DLC1: variants seen among roughly 807,000 people sequenced by gnomAD.
The protein encoded by DLC1 is rho GTPase-activating protein 7.
DLC1 carries 54 observed loss-of-function variants against 140.3 expected under a neutral mutation model. The observed-to-expected ratio is 0.38, with a 90% CI of 0.31 to 0.48. DLC1 has a LOEUF of 0.48. Ranked by LOEUF, DLC1 falls within the 20% of genes least tolerant of loss-of-function variation. DLC1 has a pLI of 0.96. For missense variants in DLC1, 2,536 were observed against 1,907.0 expected (o/e 1.33, Z -6.14); for synonymous variants, 986 against 728.1 (o/e 1.35, Z -5.70).
chr8:13,444,042 T>C (rs1798667007), intron 2 of DLC1, among the ~76,000 whole-genome samples: 1 of 152,182 alleles, frequency 6.6e-6, no homozygotes. Context: ...AAAATATTCT[T>C]CTCAAAAAGT....
rs1169620786 is a variant in DLC1 at position 13,451,037 on chromosome 8, CAAAAAAAAAAAAAAAAA to C, written c.1023+47995_1023+48011del. On this transcript the variant is annotated intron_variant, in intron 2 of 17. Coordinates refer to ENST00000276297, the MANE Select transcript of DLC1 (RefSeq NM_182643.3). ...CTGGTGATAGAGTGAGACTCCGTCT[CAAAAAAAAAAAAAAAAA>C]AAAAAAAAAAAAAAGAAAAAAAGAA... 2.2e-4 allele frequency among the ~76,000 whole-genome samples: 4 copies of C among 18,380 alleles called. No homozygotes were observed. The Admixed American group carries it at 3.0e-3, about 14-fold the overall frequency. 12.1% of individuals were successfully genotyped at this position (18,380 alleles called of 152,430 possible).
chr8:13,381,681 G>A (rs930274824), intron 4 of DLC1, among the ~76,000 whole-genome samples: 6 of 152,134 alleles, frequency 3.9e-5, no homozygotes, highest in Non-Finnish European at 8.8e-5. Context: ...TTGGAAATGA[G>A]CCAGTCAACC....
intron 4 of DLC1, among the ~76,000 whole-genome samples, chr8:13,311,355 T>A (rs1832658087): frequency 6.6e-6 from 1 of 152,154 alleles, no homozygotes; most frequent in Non-Finnish European, 1.5e-5. Context: ...TCCCTCCTAG[T>A]GTTCACGATT....
chr8:13,489,873 T>C (rs114614431), intron 2 of DLC1, among the ~76,000 whole-genome samples: 81 of 152,322 alleles, frequency 5.3e-4, no homozygotes, highest in African/African-American at 1.9e-3. Flanking sequence ...ACTCCAATTA[T>C]TTGGCTGTCA....
intron 2 of DLC1, among the ~76,000 whole-genome samples, chr8:13,439,623 C>T (rs534689346): frequency 1.3e-5 from 2 of 152,162 alleles, no homozygotes; most frequent in South Asian, 4.2e-4. Context: ...GTCAACAATC[C>T]TTTCATCGAT....
At chr8:13,442,463 A>T (rs1798563212) in intron 2 of DLC1, among the ~76,000 whole-genome samples, 1 of 151,968 alleles carries the variant, frequency 6.6e-6, no homozygotes, top group Admixed American at 6.6e-5. Flanking sequence ...CATCTGAAAA[A>T]GGGCTAATAT....
At position 13,401,766 on chromosome 8, in the gene DLC1, G is replaced by A. The variant is rs1585045721; in HGVS notation, c.1024-147C>T. ...AGAAGTTCCATTCTGTATCATCAATGGGCTCTTCATTGGGAAGACACTGAC... is the reference window on the plus strand; with the variant it reads ...AGAAGTTCCATTCTGTATCATCAATAGGCTCTTCATTGGGAAGACACTGAC... On this transcript the variant is annotated intron_variant, in intron 2 of 17. Transcript: ENST00000276297. 14 of 1,007,730 alleles carry A rather than the reference G, an allele frequency of 1.4e-5. No homozygotes were observed. In the East Asian group the frequency reaches 3.6e-4, roughly 26 times the overall value. 62.4% of individuals were successfully genotyped at this position (1,007,730 alleles called of 1,614,324 possible). A position where few individuals can be genotyped will look rare whatever the true frequency, so the allele number is the denominator to read the frequency against.
chr8:13,524,892 G>C (rs973458723), intron 1 of DLC1, among the ~76,000 whole-genome samples: 7 of 152,060 alleles, frequency 4.6e-5, no homozygotes, highest in Admixed American at 1.3e-4. Context: ...GATTGCTTTT[G>C]ACAAATTCAT....
At chr8:13,440,100 C>T (rs988624531) in intron 2 of DLC1, among the ~76,000 whole-genome samples, 8 of 152,152 alleles carry the variant, frequency 5.3e-5, no homozygotes, top group Non-Finnish European at 1.2e-4. Context: ...TTCTTTACTG[C>T]AGGATTTTCA....
intron 2 of DLC1, among the ~76,000 whole-genome samples, chr8:13,473,366 G>C (rs748674519): frequency 6.6e-6 from 1 of 152,160 alleles, no homozygotes; most frequent in Non-Finnish European, 1.5e-5. Flanking sequence ...CACGAGATCT[G>C]ATGGTTTTAA....
intron 2 of DLC1, among the ~76,000 whole-genome samples, chr8:13,437,030 A>T (rs1839151021): frequency 1.3e-5 from 2 of 152,238 alleles, no homozygotes; most frequent in African/African-American, 2.4e-5. Context: ...ACATTAAAAT[A>T]GTTCTCAGTC....
intron 4 of DLC1, among the ~76,000 whole-genome samples, chr8:13,393,067 C>A (rs937313804): frequency 1.3e-5 from 2 of 152,044 alleles, no homozygotes; most frequent in Non-Finnish European, 2.9e-5. Flanking sequence ...TAATTATTAT[C>A]TGTCTATCCA....
At chr8:13,402,697 G>A (rs1837352042) in intron 2 of DLC1, among the ~76,000 whole-genome samples, 1 of 152,194 alleles carries the variant, frequency 6.6e-6, no homozygotes, top group Non-Finnish European at 1.5e-5. Flanking sequence ...TACAGTGATT[G>A]CAGATTGAGG....
chr8:13,400,221 G>A (rs778923506), intron 3 of DLC1, among the ~76,000 whole-genome samples: 4 of 152,152 alleles, frequency 2.6e-5, no homozygotes, highest in African/African-American at 4.8e-5. Flanking sequence ...GTGTGAGTGA[G>A]TCTAGTATAA....
At chr8:13,536,475 A>G (rs1803288878) in intron 1 of DLC1, among the ~76,000 whole-genome samples, 1 of 152,172 alleles carries the variant, frequency 6.6e-6, no homozygotes, top group Non-Finnish European at 1.5e-5. Flanking sequence ...CATAAGAAAC[A>G]AGCTTCTTCA....
chr8:13,098,316 A>G lies in DLC1; in HGVS notation c.3167+83T>C. On this transcript the variant is annotated intron_variant, in intron 10 of 17. Coordinates refer to ENST00000276297, the MANE Select transcript of DLC1 (RefSeq NM_182643.3). ...TATATTAATAAAGGAGAGAAGTGTC[A>G]TTTTTTACTGTGGGGACAACCTCAA... The G allele has an allele frequency of 3.3e-6, 5 of 1,511,096 alleles. No homozygotes were observed. The Admixed American group carries it at 7.4e-5, about 22-fold the overall frequency. 93.6% of individuals were successfully genotyped at this position (1,511,096 alleles called of 1,614,324 possible). A position where few individuals can be genotyped will look rare whatever the true frequency, so the allele number is the denominator to read the frequency against.
intron 4 of DLC1, among the ~76,000 whole-genome samples, chr8:13,372,175 T>C (rs1729169): frequency 0.7 from 106,258 of 151,864 alleles, 37,909 homozygotes; most frequent in East Asian, 0.85. Context: ...GCTTTGATAG[T>C]GGGAAATAGA....
intron 2 of DLC1, among the ~76,000 whole-genome samples, chr8:13,456,330 T>C (rs1011146440): frequency 6.6e-6 from 1 of 152,236 alleles, no homozygotes; most frequent in African/African-American, 2.4e-5. Context: ...AATAGTTTCA[T>C]ATGTGAAAGT....
chr8:13,101,876 G>C (rs988163625), intron 8 of DLC1, among the ~76,000 whole-genome samples: 3 of 152,112 alleles, frequency 2.0e-5, no homozygotes, highest in Non-Finnish European at 2.9e-5. Flanking sequence ...TGGCCTTTTC[G>C]GCAGGATATC....
Sources: allele counts gnomAD v4.1 joint callset (sites outside exome capture counted in the v4.1 genomes callset), GRCh38; gene constraint gnomAD v4.1.1; transcripts MANE v1.5; gene names NCBI Gene and HGNC (gene_info 2026-07-23, HGNC 2026-07-21).